SLC18A1: variants seen among roughly 807,000 people sequenced by gnomAD.
SLC18A1 encodes chromaffin granule amine transporter.
In SLC18A1, 69 loss-of-function variants were observed where a neutral mutation model predicts 53.7. The observed-to-expected ratio is 1.28, with a 90% CI of 1.06 to 1.57. SLC18A1 has a LOEUF of 1.57. Ranked by LOEUF, SLC18A1 falls within the 40% of genes most tolerant of loss-of-function variation. The pLI is 0.00. For missense variants in SLC18A1, 932 were observed against 668.1 expected (o/e 1.40, Z -4.35); for synonymous variants, 320 against 248.1 (o/e 1.29, Z -2.72).
chr8:20,181,216 G>T, intron 1 of SLC18A1, 129 bp from the exon 2 acceptor site: 1 of 327,856 alleles, frequency 3.1e-6, no homozygotes, highest in Non-Finnish European at 5.7e-6. Flanking sequence ...TGCCTTCCTG[G>T]TAAGCATCGC....
intron 6 of SLC18A1, 40 bp from the exon 7 acceptor site, chr8:20,171,534 T>C (rs1355757252): frequency 2.5e-5 from 37 of 1,493,316 alleles, no homozygotes; most frequent in Non-Finnish European, 3.2e-5. Flanking sequence ...GAGGTGAGGG[T>C]GAGTCCTTTG....
chr8:20,164,036 A>G (rs2071892748), intron 10 of SLC18A1, among the ~76,000 whole-genome samples: 1 of 152,186 alleles, frequency 6.6e-6, no homozygotes, highest in Admixed American at 6.5e-5. Flanking sequence ...TCAATTTGGC[A>G]CTAGGAGTGC....
Position 20,148,023 on chromosome 8 carries a change from C to A in SLC18A1, c.1194G>T (p.Gly398=), listed in dbSNP as rs17215682. Residue 398 remains glycine (G), a synonymous_variant, in exon 13 of 16, where the codon GGG becomes GGT. Coordinates refer to ENST00000276373, the MANE Select transcript of SLC18A1 (RefSeq NM_003053.4). ...ACTTCTTACCTATGGCAAGGCCAAG[C>A]CCTGCATTGGGGCCAATGAGACCAA... The part of the protein sequence containing the change: ...NIFGLIGPNA[G]LGLAIGMVDS... 1,167 of 1,614,104 alleles carry A rather than the reference C, an allele frequency of 7.2e-4. 8 individuals are homozygous for A. The African/African-American group carries it at 0.014, about 19-fold the overall frequency.
In SLC18A1 at chr8:20,149,607, TCTC is replaced by T. The variant is rs879155591; in HGVS notation, c.1146+66_1146+68del. On this transcript the variant is annotated intron_variant, in intron 12 of 15. Transcript: ENST00000276373. ...CTCTCTCCCTCTCTCTCTCTCTCTC[TCTC>T]TCTCTCTGTCTGTCTGTCTCTCGCT... 5,976 of 1,255,066 alleles carry T rather than the reference TCTC, an allele frequency of 4.8e-3. 206 individuals carry two copies. In the African/African-American group the frequency reaches 0.081, roughly 17 times the overall value. The allele number at this position is 1,255,066 out of a possible 1,614,324, so 77.7% of individuals were successfully genotyped here.
chr8:20,155,251 G>A (rs977219692), intron 10 of SLC18A1, among the ~76,000 whole-genome samples: 2 of 152,192 alleles, frequency 1.3e-5, no homozygotes, highest in Non-Finnish European at 1.5e-5. Context: ...CTCCAAAGTG[G>A]TGAGTAATAT....
intron 4 of SLC18A1, among the ~76,000 whole-genome samples, chr8:20,177,029 G>A (rs1402473085): frequency 6.6e-6 from 1 of 152,130 alleles, no homozygotes; most frequent in Non-Finnish European, 1.5e-5. Flanking sequence ...GGCCATCTGG[G>A]CATTATACAT....
intron 10 of SLC18A1, among the ~76,000 whole-genome samples, chr8:20,151,910 C>T (rs2071566070): frequency 6.6e-6 from 1 of 152,158 alleles, no homozygotes; most frequent in African/African-American, 2.4e-5. Flanking sequence ...CCTCAGCTAG[C>T]TTACACTCCA....
At chr8:20,157,493 A>T (rs958166106) in intron 10 of SLC18A1, among the ~76,000 whole-genome samples, 1 of 152,170 alleles carries the variant, frequency 6.6e-6, no homozygotes, top group Non-Finnish European at 1.5e-5. Context: ...TGCTAGAAGG[A>T]CTAAGGAAAA....
At chr8:20,147,075 G>C (rs1304004606) in intron 15 of SLC18A1, among the ~76,000 whole-genome samples, 183 bp downstream of exon 15, 1 of 152,050 alleles carries the variant, frequency 6.6e-6, no homozygotes, top group Non-Finnish European at 1.5e-5. Flanking sequence ...CTTAGAGAAG[G>C]GAAATTAAGG....
intron 8 of SLC18A1, among the ~76,000 whole-genome samples, chr8:20,170,548 G>T (rs2072086412): frequency 6.6e-6 from 1 of 152,036 alleles, no homozygotes; most frequent in Non-Finnish European, 1.5e-5. Context: ...ATTTTCCAGA[G>T]CTGTTTTTGG....
intron 1 of SLC18A1, among the ~76,000 whole-genome samples, 185 bp downstream of exon 1, chr8:20,182,878 T>C (rs754816413): frequency 2.6e-5 from 4 of 152,120 alleles, no homozygotes; most frequent in African/African-American, 4.8e-5. Context: ...TTAAAAAACA[T>C]AGTGAGTGAA....
At chr8:20,175,912 C>A (rs1032808929) in intron 4 of SLC18A1, 1 of 152,178 alleles carries the variant, frequency 6.6e-6, no homozygotes, top group Admixed American at 6.5e-5. Flanking sequence ...TATTTCCAGT[C>A]TTTTCTGTCT....
intron 4 of SLC18A1, among the ~76,000 whole-genome samples, chr8:20,174,809 G>C (rs145176724): frequency 6.6e-6 from 1 of 152,114 alleles, no homozygotes; most frequent in Non-Finnish European, 1.5e-5. Flanking sequence ...CTCCTGGATC[G>C]TCCATGTGCA....
chr8:20,178,100 C>G (rs1425150153), intron 4 of SLC18A1, among the ~76,000 whole-genome samples: 1 of 146,912 alleles, frequency 6.8e-6, no homozygotes, highest in Non-Finnish European at 1.5e-5. Flanking sequence ...TAAACTTGCT[C>G]AAGGGATTAC....
intron 10 of SLC18A1, among the ~76,000 whole-genome samples, chr8:20,156,475 G>T (rs1238706760): frequency 6.6e-6 from 1 of 152,180 alleles, no homozygotes; most frequent in Admixed American, 6.5e-5. Context: ...TTCCTCCCGG[G>T]TGACTGAGGG....
In SLC18A1 at chr8:20,172,542, G is replaced by A. The variant is rs144202728; in HGVS notation, c.724+494C>T. 3.4e-3 allele frequency among the ~76,000 whole-genome samples: 520 copies of A among 152,266 alleles called. 2 individuals are homozygous for A. The highest frequency in any genetic ancestry group is 0.012 in the African/African-American group (489 of 41,552). On this transcript the variant is annotated intron_variant, in intron 6 of 15. Coordinates refer to ENST00000276373, the MANE Select transcript of SLC18A1 (RefSeq NM_003053.4). ...GCCTCAAAGAAAGGGTAGTTTTATC[G>A]TTTGGGGCTTGGGTTTCCAAGCCCA...
chr8:20,177,978 C>G (rs939394975), intron 4 of SLC18A1, among the ~76,000 whole-genome samples: 1 of 152,114 alleles, frequency 6.6e-6, no homozygotes, highest in Non-Finnish European at 1.5e-5. Context: ...AAGCAGTAGG[C>G]TTTTTGGAAT....
chr8:20,176,320 A>T (rs761075954), intron 4 of SLC18A1, among the ~76,000 whole-genome samples: 3 of 152,046 alleles, frequency 2.0e-5, no homozygotes, highest in Non-Finnish European at 2.9e-5. Flanking sequence ...ACCTTCCACC[A>T]TGAGTGGAAG....
At chr8:20,161,547 T>A in intron 10 of SLC18A1, among the ~76,000 whole-genome samples, 1 of 152,198 alleles carries the variant, frequency 6.6e-6, no homozygotes, top group East Asian at 1.9e-4. Flanking sequence ...GAACATCCTT[T>A]GAGTTTGGTA....
Sources: allele counts gnomAD v4.1 joint callset (sites outside exome capture counted in the v4.1 genomes callset), GRCh38; gene constraint gnomAD v4.1.1; transcripts MANE v1.5; gene names NCBI Gene and HGNC (gene_info 2026-07-23, HGNC 2026-07-21).